Variants in FGD4 observed in about 807,000 individuals in gnomAD.
FGD4 encodes the protein FYVE, RhoGEF and PH domain-containing protein 4.
A neutral mutation model predicts 102.0 loss-of-function variants in FGD4; 42 were observed. The observed-to-expected ratio is 0.41, with a 90% CI of 0.32 to 0.53. The LOEUF is 0.53. FGD4 is among the 20% of genes least tolerant of loss of function. The pLI is 0.21. For missense variants in FGD4, 902 were observed against 1,078.2 expected (o/e 0.84, Z 2.29); for synonymous variants, 380 against 375.7 (o/e 1.01, Z -0.13).
In FGD4 at chr12:32,526,768, G is replaced by C. The variant is rs758850385; in HGVS notation, c.167-37369G>C. Among the ~76,000 whole-genome samples, 3 of 152,096 alleles carry C rather than the reference G, an allele frequency of 2.0e-5. No homozygotes were observed. In the South Asian group the frequency reaches 6.2e-4, roughly 32 times the overall value. ...CGAAGATCTGCAGCTTCACTCCTGA[G>C]CCCAGCAAGACCACGAGCCCACTGG... On this transcript the variant is annotated intron_variant, in intron 1 of 16. Transcript: ENST00000534526.
At chr12:32,490,994 A>G (rs767125704) in intron 1 of FGD4, among the ~76,000 whole-genome samples, 9 of 152,152 alleles carry the variant, frequency 5.9e-5, no homozygotes, top group Non-Finnish European at 1.2e-4. Flanking sequence ...CTTTTCATTC[A>G]GTCTACAATA....
chr12:32,577,107 T>C (rs1946188331), intron 3 of FGD4, among the ~76,000 whole-genome samples: 1 of 152,182 alleles, frequency 6.6e-6, no homozygotes, highest in Admixed American at 6.6e-5. Context: ...TGAAATATTA[T>C]ATTTCTCATT....
intron 1 of FGD4, among the ~76,000 whole-genome samples, chr12:32,561,783 C>G (rs1175244914): frequency 2.0e-5 from 3 of 152,074 alleles, no homozygotes; most frequent in African/African-American, 7.2e-5. Context: ...CTTTTTATAC[C>G]AGAAAGTGAA....
intron 2 of FGD4, among the ~76,000 whole-genome samples, chr12:32,564,809 A>G (rs913398827): frequency 6.6e-6 from 1 of 152,242 alleles, no homozygotes; most frequent in Non-Finnish European, 1.5e-5. Flanking sequence ...GTGAGGGTAA[A>G]GAAAAAGCCA....
intron 2 of FGD4, among the ~76,000 whole-genome samples, chr12:32,565,484 AT>A (rs1210014753): frequency 2.6e-5 from 4 of 152,194 alleles, no homozygotes; most frequent in Non-Finnish European, 1.5e-5. Context: ...ATAAAATTCC[AT>A]TTCGCCCATT....
intron 1 of FGD4, among the ~76,000 whole-genome samples, chr12:32,557,498 C>T (rs1443953220): frequency 1.3e-5 from 2 of 152,166 alleles, no homozygotes; most frequent in Non-Finnish European, 2.9e-5. Flanking sequence ...TCCCAGTCTG[C>T]TGCATATGTT....
intron 1 of FGD4, among the ~76,000 whole-genome samples, chr12:32,527,565 G>C (rs577034371): frequency 1.3e-5 from 2 of 152,232 alleles, no homozygotes; most frequent in African/African-American, 4.8e-5. Flanking sequence ...GAGTAGCTGG[G>C]ACTATAGGCA....
intron 1 of FGD4, among the ~76,000 whole-genome samples, chr12:32,492,223 T>TA (rs1172863782): frequency 6.6e-6 from 1 of 152,218 alleles, no homozygotes; most frequent in Non-Finnish European, 1.5e-5. Flanking sequence ...ATTGGGCTGT[T>TA]ACAGAAATTA....
chr12:32,564,030 AG>A, intron 1 of FGD4, 106 bp from the exon 2 acceptor site: 2 of 823,188 alleles, frequency 2.4e-6, no homozygotes, highest in Non-Finnish European at 3.3e-6. Context: ...AGGGAGAGGG[AG>A]GGGGAGGGGG....
intron 1 of FGD4, among the ~76,000 whole-genome samples, chr12:32,536,840 C>G (rs1942309723): frequency 6.6e-6 from 1 of 151,814 alleles, no homozygotes; most frequent in South Asian, 2.1e-4. Context: ...AACATTTAAA[C>G]AAACAAACAA....
chr12:32,469,026 A>G (rs949514175), intron 1 of FGD4, among the ~76,000 whole-genome samples: 1 of 151,886 alleles, frequency 6.6e-6, no homozygotes, highest in Non-Finnish European at 1.5e-5. Flanking sequence ...GGGTTTCACC[A>G]TGTTGGCCAG....
chr12:32,516,735 C>G (rs1295411005), intron 1 of FGD4, among the ~76,000 whole-genome samples: 1 of 152,054 alleles, frequency 6.6e-6, no homozygotes, highest in Non-Finnish European at 1.5e-5. Context: ...GTGGTAAAAT[C>G]CCAGGGTAGT....
At chr12:32,441,283 C>A (rs938108738) in intron 1 of FGD4, among the ~76,000 whole-genome samples, 3 of 152,158 alleles carry the variant, frequency 2.0e-5, no homozygotes, top group Admixed American at 6.5e-5. Context: ...GTCTCAGTGG[C>A]TACCCAAAGC....
rs118203973 is a variant in FGD4, at chr12:32,625,774, G to T, written c.2167G>T (p.Gly723Ter). The change falls in exon 14 of 17, where the codon GGA becomes TGA. Residue 723 changes from glycine (G) to a stop codon, truncating the protein, a stop_gained. Transcript: ENST00000534526. LOFTEE classifies it high-confidence loss of function. ...TRRRHHCRAC[G>*]YVVCWKCSDY... ...AAGGAGGCATCATTGTCGAGCATGT[G>T]GATATGTAAGTGAGATTTCTTGATC... The T allele has an allele frequency of 2.5e-6, 4 of 1,613,922 alleles. No homozygotes were observed. In the South Asian group the frequency reaches 4.4e-5, roughly 18 times the overall value.
chr12:32,480,657 T>C (rs765161345), intron 1 of FGD4, among the ~76,000 whole-genome samples: 18 of 151,334 alleles, frequency 1.2e-4, no homozygotes, highest in East Asian at 7.9e-4. Context: ...CGCACCACCA[T>C]GGCCAGCTAA....
At chr12:32,599,181 A>G (rs958568169) in intron 5 of FGD4, among the ~76,000 whole-genome samples, 10 of 152,174 alleles carry the variant, frequency 6.6e-5, no homozygotes, top group African/African-American at 2.2e-4. Context: ...ACACTTGGAA[A>G]GTCTAAGAAC....
At chr12:32,590,025 A>G (rs1026005607) in intron 4 of FGD4, among the ~76,000 whole-genome samples, 1 of 152,108 alleles carries the variant, frequency 6.6e-6, no homozygotes, top group African/African-American at 2.4e-5. Flanking sequence ...AAAGCAAGGA[A>G]TGCCGGGCGC....
At chr12:32,426,024 C>T (rs185437105) in intron 1 of FGD4, among the ~76,000 whole-genome samples, 128 of 152,332 alleles carry the variant, frequency 8.4e-4, no homozygotes, top group African/African-American at 3.0e-3. Flanking sequence ...GACAATTTGA[C>T]TTCCTCTCTT....
At chr12:32,556,344 C>T (rs1944120628) in intron 1 of FGD4, among the ~76,000 whole-genome samples, 3 of 152,122 alleles carry the variant, frequency 2.0e-5, no homozygotes, top group Admixed American at 6.5e-5. Flanking sequence ...AATACATTCA[C>T]CACTATCATC....
Sources: allele counts gnomAD v4.1 joint callset (sites outside exome capture counted in the v4.1 genomes callset), GRCh38; gene constraint gnomAD v4.1.1; transcripts MANE v1.5; gene names NCBI Gene and HGNC (gene_info 2026-07-23, HGNC 2026-07-21).